Variants in UPP2 observed in about 807,000 individuals in gnomAD.
The protein encoded by UPP2 is UPase 2.
UPP2 carries 23 observed loss-of-function variants against 26.7 expected under a neutral mutation model. The ratio of observed to expected loss-of-function variants is 0.86; its 90% CI spans 0.62 to 1.22. The LOEUF (loss-of-function observed/expected upper bound fraction) is 1.22, where lower values mean the gene tolerates loss of function less well. Ranked by LOEUF, UPP2 falls within the 50% of genes most tolerant of loss-of-function variation. The pLI is 0.00. For synonymous variants in UPP2, 127 were observed against 141.3 expected (o/e 0.90, Z 0.72); for missense variants, 387 against 396.7 (o/e 0.98, Z 0.21).
rs184168894 is a variant in UPP2 at position 158,065,241 on chromosome 2, C to A, written c.148-36799C>A. On this transcript the variant is annotated intron_variant, in intron 3 of 9. Coordinates refer to the UPP2 transcript ENST00000605860. ...TTCATTACTACTCTACCAAGAAGCA[C>A]CCATTGTCCTGGACACAGAAGTGTT... Among the ~76,000 whole-genome samples, 7 of 152,280 alleles carry A rather than the reference C, an allele frequency of 4.6e-5. 1 individual carries two copies. The Middle Eastern group carries it at 0.01, about 222-fold the overall frequency.
Position 158,121,505 on chromosome 2 carries a change from G to A in UPP2, c.551G>A (p.Arg184Gln), listed in dbSNP as rs1306238971. The stretch of plus-strand genomic sequence containing the variant: ...GTCATTTTGGACAACATTGTCACCC[G>A]AAGTACTGAACTGGACAAAGAACTG... ...EQVILDNIVTRSTELDKELSE... is the reference protein window; with the variant it reads ...EQVILDNIVTQSTELDKELSE... Residue 184 changes from arginine (R) to glutamine (Q), a missense_variant, in exon 5 of 7, where the codon CGA becomes CAA. Transcript: ENST00000005756. 6.8e-6 allele frequency: 11 copies of A among 1,613,368 alleles called. 1 individual carries two copies. Among genetic ancestry groups the A allele is most frequent in the South Asian group, 4.4e-5 (4 of 91,056 alleles).
Position 158,117,845 on chromosome 2 carries a change from A to G in UPP2, c.361A>G (p.Ile121Val). The G allele has an allele frequency of 1.9e-6, 3 of 1,612,444 alleles. 1 individual carries two copies. The highest frequency in any genetic ancestry group is 1.1e-5 in the South Asian group (1 of 91,046). Reference sequence around the variant, plus strand: ...ATAGCACGGCATGGGCATCCCCTCCATTTCTATTATGCTTCATGAACTCAT... The same window carrying G: ...ATAGCACGGCATGGGCATCCCCTCCGTTTCTATTATGCTTCATGAACTCAT... ...AISHGMGIPS[I>V]SIMLHELIKL... The change falls in exon 4 of 7, where the codon ATT (isoleucine) becomes GTT (valine). Residue 121 changes from isoleucine (I) to valine (V), a missense_variant. Physicochemically the swap from Ile to Val is conservative, Grantham distance 29 (BLOSUM62 3). Coordinates refer to ENST00000005756, the MANE Select transcript of UPP2 (RefSeq NM_173355.4).
chr2:158,021,407 G>A (rs891042456), intron 3 of UPP2, among the ~76,000 whole-genome samples: 1 of 152,230 alleles, frequency 6.6e-6, no homozygotes, highest in Non-Finnish European at 1.5e-5. Flanking sequence ...AAAGAAGCGT[G>A]ACAATCCCAT....
chr2:158,109,544 C>G (rs893264362), intron 2 of UPP2, among the ~76,000 whole-genome samples: 2 of 152,108 alleles, frequency 1.3e-5, no homozygotes, highest in African/African-American at 4.8e-5. Context: ...CAGATGACAG[C>G]GACAATATGT....
At chr2:158,062,651 C>T (rs1227421963) in intron 3 of UPP2, among the ~76,000 whole-genome samples, 2 of 152,176 alleles carry the variant, frequency 1.3e-5, no homozygotes, top group Admixed American at 6.5e-5. Flanking sequence ...TTTACACTAT[C>T]CCTTGGGTCC....
At chr2:158,060,196 C>A (rs1682331901) in intron 3 of UPP2, among the ~76,000 whole-genome samples, 3 of 152,066 alleles carry the variant, frequency 2.0e-5, no homozygotes, top group Admixed American at 1.3e-4. Flanking sequence ...TGGAGTTAGT[C>A]TACTGAGTTT....
At chr2:158,066,828 A>G (rs912094462) in intron 3 of UPP2, among the ~76,000 whole-genome samples, 1 of 152,176 alleles carries the variant, frequency 6.6e-6, no homozygotes, top group South Asian at 2.1e-4. Flanking sequence ...GCAGGGACTG[A>G]GAAAAGAATG....
At chr2:158,057,059 A>C (rs188207365) in intron 3 of UPP2, among the ~76,000 whole-genome samples, 1 of 152,226 alleles carries the variant, frequency 6.6e-6, no homozygotes, top group African/African-American at 2.4e-5. Context: ...TTATGATAAC[A>C]CTAGGGTTAT....
chr2:158,041,119 G>A (rs980707443), intron 3 of UPP2, among the ~76,000 whole-genome samples: 1 of 152,002 alleles, frequency 6.6e-6, no homozygotes, highest in Non-Finnish European at 1.5e-5. Context: ...AACCACAGAT[G>A]GTCCTCAATA....
intron 2 of UPP2, among the ~76,000 whole-genome samples, chr2:158,014,157 C>T (rs957037059): frequency 1.3e-5 from 2 of 152,194 alleles, no homozygotes; most frequent in African/African-American, 4.8e-5. Flanking sequence ...TTCTGCAGCT[C>T]CAAGGCCTAA....
intron 6 of UPP2, among the ~76,000 whole-genome samples, chr2:158,129,708 A>C (rs1283449628): frequency 8.7e-6 from 1 of 115,342 alleles, no homozygotes. Context: ...TAATTTAAAC[A>C]GAGGTAAAAA....
intron 3 of UPP2, among the ~76,000 whole-genome samples, chr2:158,028,164 G>T (rs911906143): frequency 1.3e-5 from 2 of 152,104 alleles, no homozygotes; most frequent in African/African-American, 4.8e-5. Context: ...TTAGAAAATG[G>T]GTTTTTCTTT....
chr2:158,134,666 G>A (rs1373200745), intron 6 of UPP2, 82 bp from the exon 7 acceptor site: 2 of 1,433,116 alleles, frequency 1.4e-6, no homozygotes, highest in Non-Finnish European at 9.3e-7. Flanking sequence ...ACATGTGCTA[G>A]GGATGCTGGT....
chr2:158,047,008 ATAGT>A, intron 3 of UPP2, among the ~76,000 whole-genome samples: 1 of 152,258 alleles, frequency 6.6e-6, no homozygotes. Flanking sequence ...GATTCAGAAG[ATAGT>A]TCAGAATTTT....
At chr2:158,108,696 T>C (rs1683247704) in intron 2 of UPP2, among the ~76,000 whole-genome samples, 1 of 152,162 alleles carries the variant, frequency 6.6e-6, no homozygotes. Context: ...GTCCAGATTT[T>C]GTTCAGCACT....
chr2:158,100,286 T>C (rs961460081), upstream of UPP2, among the ~76,000 whole-genome samples: 2 of 152,234 alleles, frequency 1.3e-5, no homozygotes, highest in African/African-American at 4.8e-5. Context: ...TTAGATGGCA[T>C]TACCTGGCAC....
intron 3 of UPP2, among the ~76,000 whole-genome samples, chr2:158,067,778 G>A (rs183479101): frequency 1.6e-4 from 25 of 152,108 alleles, no homozygotes; most frequent in Non-Finnish European, 2.4e-4. Flanking sequence ...AAAATAATTA[G>A]GGTTATGTTT....
intron 6 of UPP2, among the ~76,000 whole-genome samples, chr2:158,132,750 CCA>C (rs1683845417): frequency 6.6e-6 from 1 of 151,826 alleles, no homozygotes; most frequent in Non-Finnish European, 1.5e-5. Flanking sequence ...ATACAAAAGG[CCA>C]ACAGATATAT....
In UPP2 at chr2:158,121,189, T is replaced by C. The variant is rs559476669; in HGVS notation, c.455-220T>C. Among the ~76,000 whole-genome samples the C allele has an allele frequency of 3.3e-5, 5 of 152,148 alleles. No individual in the cohort carries two copies. The East Asian group carries it at 5.8e-4, about 18-fold the overall frequency. ...CAAGAGTCATGTTTGTCTTGAAATC[T>C]AAACCCCATCACATTGTAAATGTGC... On this transcript the variant is annotated intron_variant, in intron 4 of 6. Transcript: ENST00000005756.
Sources: gnomAD v4.1 joint callset for allele counts (sites outside exome capture counted in the v4.1 genomes callset) on GRCh38, gnomAD v4.1.1 for gene constraint, MANE v1.5 for transcripts, NCBI Gene and HGNC (gene_info 2026-07-23, HGNC 2026-07-21) for gene names.